CDK6: variants seen among roughly 807,000 people sequenced by gnomAD.
The protein encoded by CDK6 is cyclin dependent kinase 6.
In CDK6, 6 loss-of-function variants were observed where a neutral mutation model predicts 37.1. The observed-to-expected ratio is 0.16, with a 90% CI of 0.09 to 0.32. The LOEUF (loss-of-function observed/expected upper bound fraction) is 0.32, where lower values mean the gene tolerates loss of function less well. Ranked by LOEUF, CDK6 falls within the 10% of genes least tolerant of loss-of-function variation. CDK6 has a pLI of 1.00. For synonymous variants in CDK6, 160 were observed against 161.3 expected (o/e 0.99, Z 0.06); for missense variants, 224 against 418.9 (o/e 0.53, Z 4.06).
In CDK6 at chr7:92,679,213, T is replaced by C. The variant is rs572953047; in HGVS notation, c.538-7678A>G. ...TTATAGATGGAGAAACCAGCGTGGGTGGCAACTTCTTCTCCAAGTTTCAGT... is the reference window on the plus strand; with the variant it reads ...TTATAGATGGAGAAACCAGCGTGGGCGGCAACTTCTTCTCCAAGTTTCAGT... On this transcript the variant is annotated intron_variant, in intron 4 of 7. Transcript: ENST00000424848. Among the ~76,000 whole-genome samples the C allele has an allele frequency of 3.3e-5, 5 of 152,298 alleles. No individual in the cohort carries two copies. The South Asian group carries it at 1.0e-3, about 32-fold the overall frequency.
At chr7:92,657,163 A>C (rs933641599) in intron 5 of CDK6, among the ~76,000 whole-genome samples, 1 of 152,164 alleles carries the variant, frequency 6.6e-6, no homozygotes, top group African/African-American at 2.4e-5. Flanking sequence ...TGTGTTTTAT[A>C]ATCAAAAGTG....
rs556841409 is a variant in CDK6 at position 92,621,447 on chromosome 7, A to G, written c.698+1589T>C. On this transcript the variant is annotated intron_variant, in intron 6 of 7. Transcript: ENST00000424848. ...GGCCTCATGTACTAAGGGGGCACTA[A>G]CAATGTTAACAAGATTGCAGACATC... 2.6e-5 allele frequency among the ~76,000 whole-genome samples: 4 copies of G among 152,324 alleles called. No homozygotes were observed. In the East Asian group the frequency reaches 7.7e-4, roughly 29 times the overall value.
chr7:92,721,333 G>C (rs1438916817), intron 4 of CDK6, among the ~76,000 whole-genome samples: 1 of 152,118 alleles, frequency 6.6e-6, no homozygotes, highest in African/African-American at 2.4e-5. Flanking sequence ...GTGCGGTATG[G>C]GGCAGGGGTG....
intron 2 of CDK6, among the ~76,000 whole-genome samples, chr7:92,800,629 G>T (rs1232729457): frequency 1.3e-5 from 2 of 152,156 alleles, no homozygotes; most frequent in African/African-American, 4.8e-5. Flanking sequence ...CCTATAGTAG[G>T]TGCCTTGCAT....
chr7:92,759,564 C>G (rs1198312578), intron 3 of CDK6, among the ~76,000 whole-genome samples: 2 of 151,582 alleles, frequency 1.3e-5, no homozygotes, highest in Admixed American at 1.3e-4. Flanking sequence ...GGGGCATTAC[C>G]AAAACTATGG....
chr7:92,755,736 G>T (rs1799300908), intron 3 of CDK6, among the ~76,000 whole-genome samples: 1 of 152,180 alleles, frequency 6.6e-6, no homozygotes, highest in Admixed American at 6.5e-5. Flanking sequence ...TAAGGTATAA[G>T]TTGGGGTGCG....
At chr7:92,630,720 C>A (rs1433018243) in intron 5 of CDK6, among the ~76,000 whole-genome samples, 1 of 152,148 alleles carries the variant, frequency 6.6e-6, no homozygotes, top group Non-Finnish European at 1.5e-5. Flanking sequence ...CATATAACCA[C>A]AGAGCTTGGA....
rs3802070 is a variant in CDK6 at position 92,785,913 on chromosome 7, G to A, written c.234-11082C>T. On this transcript the variant is annotated intron_variant, in intron 2 of 7. Transcript: ENST00000424848. The stretch of plus-strand genomic sequence containing the variant: ...ATTCACAGGAAAAATGTTAAAAAGC[G>A]AAGACTGCTGATATCCCAAACCCTC... Among the ~76,000 whole-genome samples, 28 of 152,286 alleles carry A rather than the reference G, an allele frequency of 1.8e-4. No individual in the cohort carries two copies. The East Asian group carries it at 4.6e-3, about 25-fold the overall frequency.
intron 5 of CDK6, among the ~76,000 whole-genome samples, chr7:92,637,340 G>A (rs190211427): frequency 9.3e-4 from 141 of 152,218 alleles, no homozygotes; most frequent in African/African-American, 3.1e-3. Context: ...ATCATCACTC[G>A]TAGTCTTGGC....
chr7:92,710,866 G>A lies in CDK6; in HGVS notation c.537+14760C>T, dbSNP rs922671552. ...CCTCTGCACGGAGATGAAAGTTACA[G>A]CCATGGACCTGAGTCAGACACAGAA... On this transcript the variant is annotated intron_variant, in intron 4 of 7. Transcript: ENST00000424848. The A allele has an allele frequency of 3.0e-6, 3 of 985,248 alleles. No homozygotes were observed. In the Admixed American group the frequency reaches 1.8e-4, roughly 61 times the overall value. 61.0% of individuals were successfully genotyped at this position (985,248 alleles called of 1,614,324 possible).
At chr7:92,793,299 T>C (rs971522420) in intron 2 of CDK6, among the ~76,000 whole-genome samples, 2 of 151,938 alleles carry the variant, frequency 1.3e-5, no homozygotes, top group African/African-American at 4.8e-5. Flanking sequence ...CAAAAAACAA[T>C]CTTGAAAAAG....
chr7:92,690,004 T>C (rs1384433991), intron 4 of CDK6, among the ~76,000 whole-genome samples: 3 of 152,170 alleles, frequency 2.0e-5, no homozygotes, highest in African/African-American at 7.2e-5. Flanking sequence ...ATGTTTCTTA[T>C]AGATGCTCCA....
intron 4 of CDK6, among the ~76,000 whole-genome samples, chr7:92,712,624 G>T (rs1008158637): frequency 3.3e-5 from 5 of 152,074 alleles, no homozygotes; most frequent in Non-Finnish European, 5.9e-5. Context: ...TAAATACAAA[G>T]AAAAGATAAA....
intron 2 of CDK6, among the ~76,000 whole-genome samples, chr7:92,831,708 C>T (rs988865769): frequency 4.6e-5 from 7 of 152,152 alleles, no homozygotes; most frequent in African/African-American, 1.7e-4. Context: ...ACTTTATAAC[C>T]ATTTACTGCC....
chr7:92,663,151 A>G (rs1796875350), intron 5 of CDK6, among the ~76,000 whole-genome samples: 1 of 152,120 alleles, frequency 6.6e-6, no homozygotes, highest in Non-Finnish European at 1.5e-5. Context: ...TTGGGAAGTA[A>G]GAGGGAAGAA....
chr7:92,697,028 G>A (rs1235472086), intron 4 of CDK6, among the ~76,000 whole-genome samples: 1 of 152,198 alleles, frequency 6.6e-6, no homozygotes, highest in Non-Finnish European at 1.5e-5. Context: ...CATCTATAAT[G>A]TCACAAAGTA....
intron 3 of CDK6, among the ~76,000 whole-genome samples, chr7:92,746,620 C>A (rs1799066032): frequency 6.6e-6 from 1 of 152,076 alleles, no homozygotes; most frequent in South Asian, 2.1e-4. Context: ...TGAAAAAATA[C>A]AAAATCCAAA....
intron 3 of CDK6, among the ~76,000 whole-genome samples, chr7:92,747,636 C>T (rs2115662728): frequency 1.3e-5 from 2 of 152,292 alleles, no homozygotes; most frequent in South Asian, 4.1e-4. Flanking sequence ...AAAAAATTGC[C>T]ACTTTCTTTA....
chr7:92,710,256 T>G (rs1204862404), intron 4 of CDK6, among the ~76,000 whole-genome samples: 6 of 152,106 alleles, frequency 3.9e-5, no homozygotes, highest in Admixed American at 6.5e-5. Flanking sequence ...AAACCTAAAG[T>G]GGAAGTTTGA....
Sources: gnomAD v4.1 joint callset for allele counts (sites outside exome capture counted in the v4.1 genomes callset) on GRCh38, gnomAD v4.1.1 for gene constraint, MANE v1.5 for transcripts, NCBI Gene and HGNC (gene_info 2026-07-23, HGNC 2026-07-21) for gene names.